The following METTL21C variants were observed in gnomAD, a reference collection of about 807,000 sequenced individuals.
METTL21C encodes protein-lysine methyltransferase METTL21C.
Under a neutral mutation model 25.9 loss-of-function variants are expected in METTL21C, and 21 were observed. The ratio of observed to expected loss-of-function variants is 0.81; its 90% CI spans 0.58 to 1.17. METTL21C has a LOEUF of 1.17. METTL21C is among the 50% of genes most tolerant of loss of function. The pLI is 0.00. For missense variants in METTL21C, 312 were observed against 315.1 expected (o/e 0.99, Z 0.07); for synonymous variants, 125 against 124.7 (o/e 1.00, Z -0.01).
chr13:102,691,268 T>C (rs141144969), intron 1 of METTL21C, among the ~76,000 whole-genome samples: 36 of 151,258 alleles, frequency 2.4e-4, no homozygotes, highest in African/African-American at 7.8e-4. Flanking sequence ...ATTTTGCTGA[T>C]GGAAAAATGG....
upstream of METTL21C, among the ~76,000 whole-genome samples, chr13:102,696,992 G>A (rs994913303): frequency 1.3e-5 from 2 of 152,292 alleles, no homozygotes; most frequent in South Asian, 4.1e-4. Flanking sequence ...CCGGTGAAAA[G>A]GATTAGTCCT....
intron 2 of METTL21C, among the ~76,000 whole-genome samples, chr13:102,688,298 A>G (rs748803764): frequency 2.0e-5 from 3 of 152,204 alleles, no homozygotes; most frequent in Admixed American, 2.0e-4. Context: ...ATCTGTTCAT[A>G]TTGAACTGCC....
Position 102,686,153 on chromosome 13 carries a change from ATT to A in METTL21C, c.671_672del (p.Lys224IlefsTer8). 1 of 1,614,198 alleles carries A rather than the reference ATT, an allele frequency of 6.2e-7. No homozygotes were observed. The highest frequency in any genetic ancestry group is 8.5e-7 in the Non-Finnish European group (1 of 1,180,032). ...AATTCATAGTCGGTGCTGAACCTGA[ATT>A]TGTTTGCCCAAAGCAGCACCGTCCC... ...QPGTVLLWAN[K>X]FRFSTDYEFL... On this transcript the variant is annotated frameshift_variant, in exon 4 of 4. Coordinates refer to ENST00000267273, the MANE Select transcript of METTL21C (RefSeq NM_001010977.3). LOFTEE classifies it high-confidence loss of function.
chr13:102,688,052 G>C (rs1298410542), intron 2 of METTL21C, among the ~76,000 whole-genome samples: 2 of 152,168 alleles, frequency 1.3e-5, no homozygotes, highest in Non-Finnish European at 1.5e-5. Context: ...AGTATAAATA[G>C]CCCAGCGTGA....
chr13:102,698,933 C>T (rs555862398), upstream of METTL21C, among the ~76,000 whole-genome samples: 2 of 152,284 alleles, frequency 1.3e-5, no homozygotes, highest in African/African-American at 4.8e-5. Flanking sequence ...TCTGTTTAAA[C>T]ATTGCCATTG....
upstream of METTL21C, among the ~76,000 whole-genome samples, chr13:102,698,096 G>T (rs566278400): frequency 3.9e-5 from 6 of 152,280 alleles, no homozygotes; most frequent in East Asian, 1.9e-4. Flanking sequence ...AGGAGCAAGT[G>T]AAATTTTATA....
rs911982892 is a variant in METTL21C at position 102,687,156 on chromosome 13, T to A, written c.283-99A>T. 3.6e-6 allele frequency: 3 copies of A among 836,074 alleles called. No homozygotes were observed. The African/African-American group carries it at 5.1e-5, about 14-fold the overall frequency. 51.8% of individuals were successfully genotyped at this position (836,074 alleles called of 1,614,324 possible). ...AATTTAAATACTAAAAGACATGTTA[T>A]TACATATGTTCAGTTTATATTCATA... On this transcript the variant is annotated intron_variant, in intron 2 of 3. Transcript: ENST00000267273.
At chr13:102,688,431 G>T (rs745725754) in intron 2 of METTL21C, among the ~76,000 whole-genome samples, 1 of 152,250 alleles carries the variant, frequency 6.6e-6, no homozygotes, top group Non-Finnish European at 1.5e-5. Flanking sequence ...AGAGGAGGCA[G>T]ACAGCTGGTT....
the METTL21C span, among the ~76,000 whole-genome samples, chr13:102,701,182 G>T: frequency 1.3e-5 from 2 of 151,892 alleles, no homozygotes; most frequent in Non-Finnish European, 1.5e-5. Flanking sequence ...AGGTTTGGGG[G>T]GAAATACTCT....
chr13:102,694,212 T>A (rs553747330), intron 1 of METTL21C, among the ~76,000 whole-genome samples, 157 bp downstream of exon 1: 15 of 152,248 alleles, frequency 9.9e-5, no homozygotes, highest in African/African-American at 3.6e-4. Context: ...AGGAATTATG[T>A]TTATACTTGC....
chr13:102,698,488 A>G (rs1217941499), upstream of METTL21C, among the ~76,000 whole-genome samples: 1 of 152,118 alleles, frequency 6.6e-6, no homozygotes, highest in Non-Finnish European at 1.5e-5. Flanking sequence ...ACCTTATGAA[A>G]TGTTGTTTTC....
chr13:102,686,983 A>C lies in METTL21C; in HGVS notation c.357T>G (p.Ile119Met). Residue 119 changes from isoleucine (I) to methionine (M), a missense_variant, in exon 3 of 4, where the codon ATT becomes ATG. Ile to Met is a conservative substitution (Grantham distance 10). Coordinates refer to ENST00000267273, the MANE Select transcript of METTL21C (RefSeq NM_001010977.3). ...LNFQDAKILE[I>M]GAGPGLVSIV... ...TGGAAACAAGGCCTGGTCCGGCACC[A>C]ATTTCAAGTATTTTTGCATCTTGGA... is the stretch of plus-strand genomic sequence containing the variant. 6.2e-7 allele frequency: 1 copy of C among 1,614,164 alleles called. No individual in the cohort carries two copies. Among genetic ancestry groups the C allele is most frequent in the Non-Finnish European group, 8.5e-7 (1 of 1,180,006 alleles).
chr13:102,698,703 T>C (rs889021156), upstream of METTL21C, among the ~76,000 whole-genome samples: 1 of 152,060 alleles, frequency 6.6e-6, no homozygotes, highest in African/African-American at 2.4e-5. Context: ...CTCAGAACTC[T>C]CGGGGAGATG....
upstream of METTL21C, among the ~76,000 whole-genome samples, chr13:102,695,512 C>T (rs906139203): frequency 2.0e-5 from 3 of 152,186 alleles, no homozygotes; most frequent in African/African-American, 4.8e-5. Flanking sequence ...TGATAGGCTA[C>T]ATTCAACCAG....
intron 2 of METTL21C, among the ~76,000 whole-genome samples, chr13:102,688,881 T>C (rs977631160): frequency 6.6e-6 from 1 of 151,978 alleles, no homozygotes; most frequent in South Asian, 2.1e-4. Flanking sequence ...CGCCAGCCCC[T>C]TGTCCTGTTA....
chr13:102,686,448 A>G, intron 3 of METTL21C, 23 bp from the exon 4 acceptor site: 2 of 1,589,616 alleles, frequency 1.3e-6, no homozygotes, highest in African/African-American at 2.7e-5. Flanking sequence ...GAAAACAATG[A>G]CCTGGAAACA....
At position 102,686,344 on chromosome 13, in the gene METTL21C, G is replaced by A. The variant is rs774775022; in HGVS notation, c.482C>T (p.Thr161Ile). 2 of 1,614,182 alleles carry A rather than the reference G, an allele frequency of 1.2e-6. No homozygotes were observed. The highest frequency in any genetic ancestry group is 2.2e-5 in the East Asian group (1 of 44,892). Reference protein sequence around the residue: ...YNLLKNTLQCTAHLPEVKELV... With the variant: ...YNLLKNTLQCIAHLPEVKELV... ...TTCTTTCACTTCAGGCAGATGTGCT[G>A]TACATTGTAGTGTGTTTTTTAAAAG... Residue 161 changes from threonine to isoleucine, a missense_variant, in exon 4 of 4, where the codon ACA (threonine) becomes ATA (isoleucine). Coordinates refer to ENST00000267273, the MANE Select transcript of METTL21C (RefSeq NM_001010977.3).
At chr13:102,696,979 C>T, upstream of METTL21C, among the ~76,000 whole-genome samples, 1 of 152,146 alleles carries the variant, frequency 6.6e-6, no homozygotes, top group East Asian at 1.9e-4. Flanking sequence ...AGTTGAAGTG[C>T]AGCCGGTGAA....
upstream of METTL21C, among the ~76,000 whole-genome samples, chr13:102,695,158 C>A (rs1885927490): frequency 1.3e-5 from 2 of 152,118 alleles, no homozygotes; most frequent in Non-Finnish European, 2.9e-5. Flanking sequence ...CCCACCCAGC[C>A]TCTGCCTAGG....
Sources: gnomAD v4.1 joint callset for allele counts (sites outside exome capture counted in the v4.1 genomes callset) on GRCh38, gnomAD v4.1.1 for gene constraint, MANE v1.5 for transcripts, NCBI Gene and HGNC (gene_info 2026-07-23, HGNC 2026-07-21) for gene names.